Variants in DHX36 observed in about 807,000 individuals in gnomAD.
DHX36 encodes the protein DEAH-box helicase 36, also known as ATP-dependent DNA/RNA helicase DHX36.
In DHX36, 50 loss-of-function variants were observed where a neutral mutation model predicts 139.0. The observed-to-expected ratio is 0.36, with a 90% CI of 0.29 to 0.46. The LOEUF is 0.46. Among genes scored for constraint, DHX36 ranks in the 20% least tolerant of loss-of-function variants. DHX36 has a pLI of 1.00. For missense variants in DHX36, 1,024 were observed against 1,211.3 expected (o/e 0.85, Z 2.29); for synonymous variants, 425 against 401.9 (o/e 1.06, Z -0.69).
At chr3:154,305,876 A>T (rs1712482886) in intron 6 of DHX36, among the ~76,000 whole-genome samples, 1 of 152,254 alleles carries the variant, frequency 6.6e-6, no homozygotes, top group African/African-American at 2.4e-5. Context: ...AAGATATCAA[A>T]ATCAATAAAA....
chr3:154,307,355 GTGCAAACTATTCA>G (rs1712543238), intron 5 of DHX36, among the ~76,000 whole-genome samples: 1 of 152,044 alleles, frequency 6.6e-6, no homozygotes, highest in Non-Finnish European at 1.5e-5. Context: ...AAGAAAATAT[GTGCAAACTATTCA>G]TCCAGCAGTG....
At chr3:154,286,192 A>AAC (rs1711547813) in intron 17 of DHX36, among the ~76,000 whole-genome samples, 5 of 148,352 alleles carry the variant, frequency 3.4e-5, no homozygotes, top group African/African-American at 4.9e-5. Context: ...AAAAAAAAAA[A>AAC]CACCAACAAA....
chr3:154,311,947 T>A (rs1305878821), intron 3 of DHX36: 1 of 302,780 alleles, frequency 3.3e-6, no homozygotes. Flanking sequence ...CTAACAGTAT[T>A]CTAATAATTG....
chr3:154,294,673 A>G (rs1275407068), intron 13 of DHX36, among the ~76,000 whole-genome samples: 1 of 152,172 alleles, frequency 6.6e-6, no homozygotes, highest in African/African-American at 2.4e-5. Flanking sequence ...AAGTATCTTG[A>G]TATTTTCTTA....
intron 15 of DHX36, among the ~76,000 whole-genome samples, chr3:154,290,633 CAAAAAA>C (rs10706343): frequency 1.3e-5 from 1 of 77,428 alleles, no homozygotes; most frequent in Non-Finnish European, 2.5e-5. Context: ...GACTTCATCT[CAAAAAA>C]AAAAAAAAAA....
intron 1 of DHX36, among the ~76,000 whole-genome samples, chr3:154,321,219 G>A (rs1012873668): frequency 6.6e-6 from 1 of 152,130 alleles, no homozygotes; most frequent in Non-Finnish European, 1.5e-5. Flanking sequence ...GGGCAAAGTG[G>A]CCAACAAGTT....
chr3:154,315,829 C>A (rs1400078563), intron 2 of DHX36, among the ~76,000 whole-genome samples: 1 of 151,970 alleles, frequency 6.6e-6, no homozygotes, highest in Non-Finnish European at 1.5e-5. Flanking sequence ...CATCTCATAT[C>A]CAGATACACT....
At position 154,290,867 on chromosome 3, in the gene DHX36, G is replaced by A. The variant is rs111801932; in HGVS notation, c.1815-1041C>T. On this transcript the variant is annotated intron_variant, in intron 15 of 24. Coordinates refer to ENST00000496811, the MANE Select transcript of DHX36 (RefSeq NM_020865.3). ...ACCTCCATTGAGGCCGGGCGCGGTG[G>A]CTCACGCCTGTAATCCCAGCACTTT... is the stretch of plus-strand genomic sequence containing the variant. Among the ~76,000 whole-genome samples the A allele has an allele frequency of 5.6e-3, 842 of 150,918 alleles. 12 individuals are homozygous for A. The highest frequency in any genetic ancestry group is 0.02 in the African/African-American group (803 of 41,096).
chr3:154,307,453 A>G (rs1449517335), intron 5 of DHX36, among the ~76,000 whole-genome samples: 1 of 152,182 alleles, frequency 6.6e-6, no homozygotes, highest in African/African-American at 2.4e-5. Context: ...AAGGAGGGCA[A>G]AAGACAAGAA....
In DHX36 at chr3:154,301,099, A is replaced by G. The variant is rs1712257348; in HGVS notation, c.1246T>C (p.Ser416Pro). Residue 416 changes from serine (S) to proline (P), a missense_variant, in exon 10 of 25, where the codon TCC (serine) becomes CCC (proline). Physicochemically the swap from Ser to Pro is moderately conservative, Grantham distance 74. Coordinates refer to ENST00000496811, the MANE Select transcript of DHX36 (RefSeq NM_020865.3). ...TGCATGAAACCCCTCTTAAACTGGG[A>G]TCTGTGTTCTTTTTGTTCTGGAACA... ...RYVPEQKEHR[S>P]QFKRGFMQGH... The G allele has an allele frequency of 6.2e-7, 1 of 1,604,248 alleles. No homozygotes were observed. Among genetic ancestry groups the G allele is most frequent in the Non-Finnish European group, 8.5e-7 (1 of 1,177,962 alleles).
intron 9 of DHX36, among the ~76,000 whole-genome samples, chr3:154,302,386 AATT>A (rs557804652): frequency 8.3e-4 from 127 of 152,334 alleles, no homozygotes; most frequent in African/African-American, 2.7e-3. Flanking sequence ...AGTGGAGGAT[AATT>A]ATTAACCATT....
intron 15 of DHX36, among the ~76,000 whole-genome samples, chr3:154,290,205 A>G (rs1440765285): frequency 1.3e-5 from 2 of 152,198 alleles, no homozygotes; most frequent in Non-Finnish European, 2.9e-5. Context: ...GAATCCTGGC[A>G]TTATGCTAAC....
In DHX36 at chr3:154,301,067, A is replaced by T; in HGVS notation, c.1278T>A (p.His426Gln). 6.2e-7 allele frequency: 1 copy of T among 1,613,006 alleles called. No individual in the cohort carries two copies. Among genetic ancestry groups the T allele is most frequent in the Non-Finnish European group, 8.5e-7 (1 of 1,179,798 alleles). Residue 426 changes from histidine to glutamine, a missense_variant, in exon 10 of 25, where the codon CAT becomes CAA. By Grantham distance (24) the His-to-Gln change is conservative. This residue lies in a region of DHX36 where 115 missense variants were observed against 105.6 expected (regional missense o/e 1.09). Transcript: ENST00000496811. The stretch of plus-strand genomic sequence containing the variant: ...TTTCTTCTTTTTCTTGTCTATTTAC[A>T]TGCCCTTGCATGAAACCCCTCTTAA... ...SQFKRGFMQG[H>Q]VNRQEKEEKE... is the part of the protein sequence containing the mutation.
At chr3:154,305,248 T>A in intron 6 of DHX36, 80 bp from the exon 7 acceptor site, 1 of 1,212,082 alleles carries the variant, frequency 8.3e-7, no homozygotes, top group Non-Finnish European at 1.2e-6. Flanking sequence ...ATATCTTCAA[T>A]TTTAGAAATG....
At chr3:154,309,601 A>G in intron 5 of DHX36, 52 bp downstream of exon 5, 2 of 1,498,880 alleles carry the variant, frequency 1.3e-6, no homozygotes, top group East Asian at 4.6e-5. Flanking sequence ...AGTAGGTTCT[A>G]GCAAGATTAC....
In DHX36 at chr3:154,324,284, C is replaced by G; in HGVS notation, c.133G>C (p.Gly45Arg). 6.2e-7 allele frequency: 1 copy of G among 1,613,052 alleles called. No individual in the cohort carries two copies. Among genetic ancestry groups the G allele is most frequent in the Non-Finnish European group, 8.5e-7 (1 of 1,179,536 alleles). ...GSGGGGGGGG[G>R]GRGGRGRHPG... ...TGCCGGCCCCTGCCGCCTCGACCAC[C>G]CCCTCCGCCGCCGCCGCCTCCTCCG... Residue 45 changes from glycine to arginine, a missense_variant, in exon 1 of 25, where the codon GGT becomes CGT. Physicochemically the swap from Gly to Arg is moderately radical, Grantham distance 125 (BLOSUM62 -2). Around this residue, in one of 4 missense-constraint regions of DHX36, gnomAD observed 293 missense variants for 274.4 expected, o/e 1.07. Transcript: ENST00000496811.
rs768333798 is a variant in DHX36, at chr3:154,315,097, T to G, written c.552A>C (p.Leu184Phe). ...NEPDGTLDQK[L>F]LEDLQKKKND... ...TTTTTTTCTTTTGTAAATCTTCCAA[T>G]AATTTTTGGTCTAAAGTTCCATCTG... is the stretch of plus-strand genomic sequence containing the variant. Residue 184 changes from leucine (L) to phenylalanine (F), a missense_variant, in exon 3 of 25, where the codon TTA (leucine) becomes TTC (phenylalanine). Leu to Phe is a conservative substitution (Grantham distance 22). This residue lies in a region of DHX36 where 293 missense variants were observed against 274.4 expected (regional missense o/e 1.07). Coordinates refer to ENST00000496811, the MANE Select transcript of DHX36 (RefSeq NM_020865.3). 31 of 1,612,332 alleles carry G rather than the reference T, an allele frequency of 1.9e-5. No individual in the cohort carries two copies. The highest frequency in any genetic ancestry group is 2.6e-5 in the Non-Finnish European group (31 of 1,179,396).
In DHX36 at chr3:154,280,244, G is replaced by A. The variant is rs1265738648; in HGVS notation, c.2567+335C>T. The stretch of plus-strand genomic sequence containing the variant: ...TAAGTTATCCATTTATAAGGCAAGA[G>A]GAAAAAAGTTTCTGAAATAAAATCT... On this transcript the variant is annotated intron_variant, in intron 22 of 24. Coordinates refer to ENST00000496811, the MANE Select transcript of DHX36 (RefSeq NM_020865.3). 6 of 201,978 alleles carry A rather than the reference G, an allele frequency of 3.0e-5. No individual in the cohort carries two copies. In the East Asian group the frequency reaches 3.7e-4, roughly 12 times the overall value. The allele number at this position is 201,978 out of a possible 1,614,324, so 12.5% of individuals were successfully genotyped here.
intron 17 of DHX36, among the ~76,000 whole-genome samples, chr3:154,285,812 T>C (rs1354944653): frequency 6.6e-6 from 1 of 152,038 alleles, no homozygotes; most frequent in Non-Finnish European, 1.5e-5. Flanking sequence ...ACTTAATTTT[T>C]TTTTTTTTAA....
Sources: gnomAD v4.1 joint callset for allele counts (sites outside exome capture counted in the v4.1 genomes callset) on GRCh38, gnomAD v4.1.1 for gene constraint, gnomAD v4.1.1 regional missense constraint, MANE v1.5 for transcripts, NCBI Gene and HGNC (gene_info 2026-07-23, HGNC 2026-07-21) for gene names.